The following MACROD1 variants were observed in gnomAD, a reference collection of about 807,000 sequenced individuals.
The protein encoded by MACROD1 is ADP-ribose glycohydrolase MACROD1.
In MACROD1, 31 loss-of-function variants were observed where a neutral mutation model predicts 41.4. The ratio of observed to expected loss-of-function variants is 0.75; its 90% CI spans 0.56 to 1.01. The LOEUF is 1.01. MACROD1 is among the 50% of genes least tolerant of loss of function. The pLI, the probability that MACROD1 is intolerant of heterozygous loss-of-function variation, is 0.00. For synonymous variants in MACROD1, 252 were observed against 203.4 expected, an observed-to-expected ratio of 1.24 and a Z score of -2.03; for missense variants, 473 against 460.0, an observed-to-expected ratio of 1.03 and a Z score of -0.26.
At chr11:64,116,347 C>T in intron 3 of MACROD1, 13 of 1,612,536 alleles carry the variant, frequency 8.1e-6, no homozygotes, top group Non-Finnish European at 1.1e-5. Flanking sequence ...ATGACCACGG[C>T]CACCATGGAC....
At chr11:64,139,562 A>G (rs1565255819) in intron 3 of MACROD1, among the ~76,000 whole-genome samples, 1 of 152,154 alleles carries the variant, frequency 6.6e-6, no homozygotes, top group African/African-American at 2.4e-5. Context: ...CCTCACTGCT[A>G]ATAACAGTCA....
chr11:64,128,169 A>G (rs1254296128), intron 3 of MACROD1, among the ~76,000 whole-genome samples: 4 of 151,626 alleles, frequency 2.6e-5, no homozygotes, highest in African/African-American at 9.7e-5. Context: ...AAGAGAGACC[A>G]CTCTAAGGTG....
In MACROD1 at chr11:64,096,902, C is replaced by T. The variant is rs979183995; in HGVS notation, c.517+54337G>A. On this transcript the variant is annotated intron_variant, in intron 3 of 10. Coordinates refer to ENST00000255681, the MANE Select transcript of MACROD1 (RefSeq NM_014067.4). The surrounding 1 kb of genome is among the most constrained non-coding windows in gnomAD (Gnocchi z 4.6). ...AGCTGAGAGCCGATGCCTGTCCCTC[C>T]GTGAGCTGGGTGCGAGTGGCCCTTG... Among the ~76,000 whole-genome samples, 1 of 152,236 alleles carries T rather than the reference C, an allele frequency of 6.6e-6. No individual in the cohort carries two copies. Among genetic ancestry groups the T allele is most frequent in the African/African-American group, 2.4e-5 (1 of 41,468 alleles).
intron 1 of MACROD1, 29 bp from the exon 2 acceptor site, chr11:64,152,422 G>C: frequency 1.3e-6 from 2 of 1,573,198 alleles, no homozygotes; most frequent in Admixed American, 1.7e-5. Context: ...GGATCAGGGT[G>C]GGGGCAGAGG....
chr11:64,142,027 G>A (rs1742177661), intron 3 of MACROD1, among the ~76,000 whole-genome samples: 1 of 152,162 alleles, frequency 6.6e-6, no homozygotes, highest in Non-Finnish European at 1.5e-5. Context: ...TGTACCTCCA[G>A]CACCTCAAAA....
chr11:64,054,070 C>T (rs947337456), intron 3 of MACROD1, among the ~76,000 whole-genome samples: 7 of 152,158 alleles, frequency 4.6e-5, no homozygotes, highest in Non-Finnish European at 8.8e-5. Context: ...GCAGCTGTCA[C>T]CTCCACCTGC....
In MACROD1 at chr11:64,165,781, TCCGCCCCACCGCCG is replaced by T; in HGVS notation, c.200_213del (p.Ala67AspfsTer36). The T allele has an allele frequency of 6.7e-7, 1 of 1,494,636 alleles. No individual in the cohort carries two copies. The highest frequency in any genetic ancestry group is 8.9e-7 in the Non-Finnish European group (1 of 1,127,400). 92.6% of individuals were successfully genotyped at this position (1,494,636 alleles called of 1,614,324 possible). A position where few individuals can be genotyped will look rare whatever the true frequency, so the allele number is the denominator to read the frequency against. ...GGGGCCCAAGTGCGCACCCCGGCTG[TCCGCCCCACCGCCG>T]CCGCCCCCCACGCCCCAACTCCCGC... is the stretch of plus-strand genomic sequence containing the variant. On this transcript the variant is annotated frameshift_variant, in exon 1 of 11. Transcript: ENST00000255681. LOFTEE classifies it high-confidence loss of function.
At chr11:64,080,034 A>G (rs982080127) in intron 3 of MACROD1, among the ~76,000 whole-genome samples, 1 of 152,106 alleles carries the variant, frequency 6.6e-6, no homozygotes, top group African/African-American at 2.4e-5. Context: ...TAATTTTGAG[A>G]TGGAGTCTCA....
chr11:64,010,709 ATGTTGGTTGGGG>A (rs1037922683), intron 4 of MACROD1, among the ~76,000 whole-genome samples: 1 of 89,220 alleles, frequency 1.1e-5, no homozygotes, highest in Non-Finnish European at 2.3e-5. Context: ...GTTGGCTGGC[ATGTTGGTTGGGG>A]TGTTGGTTGG....
Position 64,080,325 on chromosome 11 carries a change from T to C in MACROD1, c.518-65044A>G, listed in dbSNP as rs187765455. On this transcript the variant is annotated intron_variant, in intron 3 of 10. Transcript: ENST00000255681. ...ACTGTGCCTGGCTGAATATTTTTCT[T>C]TATAAGCTTAGTTCAAATTCATCTT... 2.0e-5 allele frequency among the ~76,000 whole-genome samples: 3 copies of C among 152,322 alleles called. No individual in the cohort carries two copies. The East Asian group carries it at 5.8e-4, about 29-fold the overall frequency.
intron 3 of MACROD1, among the ~76,000 whole-genome samples, chr11:64,149,193 C>A (rs1565260180): frequency 6.6e-6 from 1 of 152,178 alleles, no homozygotes; most frequent in East Asian, 1.9e-4. Flanking sequence ...ACACCAGTTT[C>A]AGCACCAGTG....
At position 64,077,799 on chromosome 11, in the gene MACROD1, G is replaced by A. The variant is rs547487771; in HGVS notation, c.518-62518C>T. Among the ~76,000 whole-genome samples, 683 of 152,328 alleles carry A rather than the reference G, an allele frequency of 4.5e-3. 1 individual carries two copies. The highest frequency in any genetic ancestry group is 0.016 in the African/African-American group (646 of 41,580). The stretch of plus-strand genomic sequence containing the variant: ...TGGACTGGGCCCTGGCTGGGCCTCC[G>A]GCCGCCGCTCGGACATTTGGGCAAG... On this transcript the variant is annotated intron_variant, in intron 3 of 10. Coordinates refer to ENST00000255681, the MANE Select transcript of MACROD1 (RefSeq NM_014067.4).
intron 3 of MACROD1, among the ~76,000 whole-genome samples, chr11:64,043,772 G>A (rs1943533122): frequency 6.6e-6 from 1 of 151,884 alleles, no homozygotes; most frequent in South Asian, 2.1e-4. Flanking sequence ...GCTCAGGCAG[G>A]TAAAGTGATT....
intron 3 of MACROD1, among the ~76,000 whole-genome samples, chr11:64,035,481 GCTAGAAC>G (rs1943355826): frequency 6.6e-6 from 1 of 152,058 alleles, no homozygotes; most frequent in Non-Finnish European, 1.5e-5. Context: ...CGGCGCGTGA[GCTAGAAC>G]CCCTTTCTCC....
chr11:64,045,833 T>A (rs1245849660), intron 3 of MACROD1, among the ~76,000 whole-genome samples: 1 of 152,144 alleles, frequency 6.6e-6, no homozygotes, highest in Non-Finnish European at 1.5e-5. Flanking sequence ...AAACCTGTAA[T>A]CCCAGCATCT....
intron 3 of MACROD1, among the ~76,000 whole-genome samples, chr11:64,098,437 G>T (rs1480256410): frequency 1.3e-5 from 2 of 152,184 alleles, no homozygotes; most frequent in Non-Finnish European, 2.9e-5. Context: ...CCCATTACTG[G>T]AGCGGTCCTA....
intron 3 of MACROD1, among the ~76,000 whole-genome samples, chr11:64,072,175 G>T (rs909137148): frequency 6.6e-6 from 1 of 152,226 alleles, no homozygotes; most frequent in East Asian, 1.9e-4. Flanking sequence ...GGCCTGGGGG[G>T]ACTTGGGGGT....
intron 8 of MACROD1, 49 bp downstream of exon 8, chr11:63,999,282 C>A: frequency 6.5e-7 from 1 of 1,533,656 alleles, no homozygotes; most frequent in South Asian, 1.2e-5. Context: ...GGGGGCTGGT[C>A]ACTCTGGCCG....
At chr11:64,072,463 A>G (rs889870238) in intron 3 of MACROD1, among the ~76,000 whole-genome samples, 2 of 152,262 alleles carry the variant, frequency 1.3e-5, no homozygotes, top group Non-Finnish European at 2.9e-5. Context: ...TTGGATAAAT[A>G]TGAAACGTAC....
Sources: gnomAD v4.1 joint callset for allele counts (sites outside exome capture counted in the v4.1 genomes callset) on GRCh38, gnomAD v4.1.1 for gene constraint, Gnocchi (gnomAD v3.1) non-coding constraint, MANE v1.5 for transcripts, NCBI Gene and HGNC (gene_info 2026-07-23, HGNC 2026-07-21) for gene names.